Variants in COL28A1 observed in about 807,000 individuals in gnomAD.
COL28A1 encodes the protein collagen alpha-1(XXVIII) chain.
Under a neutral mutation model 150.2 loss-of-function variants are expected in COL28A1, and 161 were observed. That is an observed-to-expected ratio of 1.07 (90% CI 0.94 to 1.22). The LOEUF is 1.22. Among genes scored for constraint, COL28A1 ranks in the 50% most tolerant of loss-of-function variants. The probability of loss-of-function intolerance (pLI) is 0.00; values close to 1 mark genes in which losing one functional copy is unlikely to be tolerated. For synonymous variants in COL28A1, 552 were observed against 469.7 expected, an observed-to-expected ratio of 1.18 and a Z score of -2.26; for missense variants, 1,617 against 1,388.3, an observed-to-expected ratio of 1.16 and a Z score of -2.62.
At chr7:7,399,374 G>C (rs1265979918) in intron 27 of COL28A1, among the ~76,000 whole-genome samples, 1 of 152,108 alleles carries the variant, frequency 6.6e-6, no homozygotes, top group Non-Finnish European at 1.5e-5. Context: ...TAACAGGCTT[G>C]GATGCTCACA....
intron 9 of COL28A1, 60 bp downstream of exon 9, chr7:7,511,031 T>C: frequency 1.4e-6 from 2 of 1,397,402 alleles, no homozygotes; most frequent in Admixed American, 1.7e-5. Context: ...AATTTCCCCT[T>C]AAGGAAACGC....
chr7:7,415,453 T>C (rs1784018833), intron 27 of COL28A1, among the ~76,000 whole-genome samples: 1 of 152,198 alleles, frequency 6.6e-6, no homozygotes, highest in African/African-American at 2.4e-5. Flanking sequence ...GAAAATGAGA[T>C]GGAAGTCCTG....
intron 33 of COL28A1, among the ~76,000 whole-genome samples, chr7:7,364,367 C>T (rs553712804): frequency 1.3e-5 from 2 of 152,290 alleles, no homozygotes; most frequent in East Asian, 1.9e-4. Context: ...GGTAATGACT[C>T]GAGAGGAGTC....
At chr7:7,522,025 A>T (rs770176805) in intron 4 of COL28A1, 64 bp from the exon 5 acceptor site, 20 of 825,632 alleles carry the variant, frequency 2.4e-5, no homozygotes, top group Non-Finnish European at 3.7e-5. Flanking sequence ...CAGCATTTCA[A>T]ATTGTATTTC....
At position 7,436,415 on chromosome 7, in the gene COL28A1, G is replaced by T; in HGVS notation, c.1840C>A (p.Leu614Ile). ...CATACCTTTGGTCCTCGAATAGAAA[G>T]TCCAGGTTCTCCCTTAAATCCAGGT... ...GIPGFKGEPG[L>I]SIRGPKGVQG... The change falls in exon 23 of 35, where the codon CTT becomes ATT. Residue 614 changes from leucine (L) to isoleucine (I), a missense_variant. Coordinates refer to ENST00000399429, the MANE Select transcript of COL28A1 (RefSeq NM_001037763.3). 1.4e-6 allele frequency: 2 copies of T among 1,426,032 alleles called. No individual in the cohort carries two copies. Among genetic ancestry groups the T allele is most frequent in the Non-Finnish European group, 2.0e-6 (2 of 1,008,130 alleles). The allele number at this position is 1,426,032 out of a possible 1,614,324, so 88.3% of individuals were successfully genotyped here.
At position 7,373,335 on chromosome 7, in the gene COL28A1, G is replaced by A. The variant is rs764660621; in HGVS notation, c.2571C>T (p.Ser857=). The change falls in exon 32 of 35, where the codon AGC becomes AGT. Residue 857 remains serine, a synonymous_variant. Transcript: ENST00000399429. The surrounding 1 kb of genome is among the most constrained non-coding windows in gnomAD (Gnocchi z 4.1). The part of the protein sequence containing the change: ...EKVANLKQFS[S]KDDFKLAVDN... ...CCACAGCCAACTTGAAGTCATCCTT[G>A]CTGGAGAACTGCTTCAAATTAGCCA... is the stretch of plus-strand genomic sequence containing the variant. 6.2e-7 allele frequency: 1 copy of A among 1,614,152 alleles called. No individual in the cohort carries two copies. The highest frequency in any genetic ancestry group is 1.7e-5 in the Admixed American group (1 of 60,020).
Position 7,438,666 on chromosome 7 carries a change from T to C in COL28A1, c.1723-1204A>G, listed in dbSNP as rs115173234. 4.8e-3 allele frequency among the ~76,000 whole-genome samples: 696 copies of C among 145,146 alleles called. 3 individuals carry two copies. Among genetic ancestry groups the C allele is most frequent in the African/African-American group, 0.018 (669 of 36,670 alleles). On this transcript the variant is annotated intron_variant, in intron 21 of 34. Transcript: ENST00000399429. ...TTATCTCATCAATTAAAATTTCATT[T>C]ATATAAATTCATAACATATTAGTAT... is the stretch of plus-strand genomic sequence containing the variant.
chr7:7,440,855 C>A lies in COL28A1; in HGVS notation c.1657G>T (p.Glu553Ter). ...GKGQPGPKGDEGKKGSKGNQG... is the reference protein window; with the variant it reads ...GKGQPGPKGD The stretch of plus-strand genomic sequence containing the variant: ...TTTCCTTTGCTCCCTTTCTTGCCTT[C>A]GTCACCCTAACAAAATAATTATGAA... Residue 553 changes from glutamate (E) to a stop codon, truncating the protein, a stop_gained, in exon 21 of 35, where the codon GAA becomes TAA. Transcript: ENST00000399429. LOFTEE classifies it high-confidence loss of function. 6.7e-7 allele frequency: 1 copy of A among 1,497,046 alleles called. No individual in the cohort carries two copies. The highest frequency in any genetic ancestry group is 2.3e-5 in the East Asian group (1 of 44,322). The allele number at this position is 1,497,046 out of a possible 1,614,324, so 92.7% of individuals were successfully genotyped here. A position where few individuals can be genotyped will look rare whatever the true frequency, so the allele number is the denominator to read the frequency against.
Position 7,393,721 on chromosome 7 carries a change from T to C in COL28A1, c.2137-12109A>G, listed in dbSNP as rs370624390. 1.1e-4 allele frequency among the ~76,000 whole-genome samples: 16 copies of C among 152,288 alleles called. No homozygotes were observed. The East Asian group carries it at 2.7e-3, about 26-fold the overall frequency. The stretch of plus-strand genomic sequence containing the variant: ...CTGAGCTGTGGAGGATTCCACCCAA[T>C]TGGGACTTCCCCGCAACTTTCTTTA... On this transcript the variant is annotated intron_variant, in intron 27 of 34. Transcript: ENST00000399429.
chr7:7,516,481 C>A (rs1336536405), intron 7 of COL28A1, among the ~76,000 whole-genome samples: 2 of 152,180 alleles, frequency 1.3e-5, no homozygotes, highest in East Asian at 3.9e-4. Flanking sequence ...TCCTGTACAG[C>A]CTTTTCCATT....
At position 7,446,955 on chromosome 7, in the gene COL28A1, G is replaced by A. The variant is rs1251167296; in HGVS notation, c.1510-2466C>T. Among the ~76,000 whole-genome samples, 3 of 152,254 alleles carry A rather than the reference G, an allele frequency of 2.0e-5. No individual in the cohort carries two copies. The East Asian group carries it at 5.8e-4, about 29-fold the overall frequency. ...ATATTGCTCAGTACATGTGTGTGAA[G>A]AAACTACCCAAGGCCAGGAAAACAA... On this transcript the variant is annotated intron_variant, in intron 18 of 34. Transcript: ENST00000399429.
chr7:7,396,690 G>C (rs1407283772), intron 27 of COL28A1, among the ~76,000 whole-genome samples: 1 of 152,134 alleles, frequency 6.6e-6, no homozygotes, highest in African/African-American at 2.4e-5. Context: ...TGTAGGCCTG[G>C]CTCATTTGGT....
intron 34 of COL28A1, 53 bp downstream of exon 34, chr7:7,360,337 C>T (rs943842633): frequency 1.4e-6 from 2 of 1,455,548 alleles, no homozygotes; most frequent in Admixed American, 2.8e-5. Context: ...TGCACCAAAT[C>T]TGTGCACAAG....
intron 15 of COL28A1, among the ~76,000 whole-genome samples, chr7:7,458,652 G>C (rs918022909): frequency 6.6e-6 from 1 of 152,096 alleles, no homozygotes; most frequent in African/African-American, 2.4e-5. Context: ...TTCAGAACTT[G>C]ATTTCTTATG....
At chr7:7,520,620 C>T (rs1781669877) in intron 5 of COL28A1, among the ~76,000 whole-genome samples, 1 of 152,160 alleles carries the variant, frequency 6.6e-6, no homozygotes, top group African/African-American at 2.4e-5. Flanking sequence ...TCCAGAAAAG[C>T]ATTTTGTTTT....
the COL28A1 span, among the ~76,000 whole-genome samples, chr7:7,345,963 A>C: frequency 6.6e-6 from 1 of 152,022 alleles, no homozygotes; most frequent in African/African-American, 2.4e-5. Flanking sequence ...ATCATCCACA[A>C]GCTCCTTGAT....
At chr7:7,375,372 T>G (rs960306008) in intron 31 of COL28A1, 89 bp downstream of exon 31, 1 of 1,213,708 alleles carries the variant, frequency 8.2e-7, no homozygotes, top group East Asian at 2.7e-5. Context: ...CTATATAATA[T>G]ACATCTGGAC....
intron 27 of COL28A1, among the ~76,000 whole-genome samples, chr7:7,391,488 T>C (rs188526993): frequency 2.4e-4 from 36 of 152,322 alleles, no homozygotes; most frequent in East Asian, 1.3e-3. Flanking sequence ...AGATGTCTAT[T>C]AGGTCCAGCT....
At chr7:7,482,505 A>G (rs1779389741) in intron 13 of COL28A1, among the ~76,000 whole-genome samples, 1 of 151,236 alleles carries the variant, frequency 6.6e-6, no homozygotes, top group Non-Finnish European at 1.5e-5. Flanking sequence ...AGCCTGGGGG[A>G]CAAGAGTGAG....
Sources: allele counts gnomAD v4.1 joint callset (sites outside exome capture counted in the v4.1 genomes callset), GRCh38; gene constraint gnomAD v4.1.1; non-coding constraint Gnocchi (gnomAD v3.1); transcripts MANE v1.5; gene names NCBI Gene and HGNC (gene_info 2026-07-23, HGNC 2026-07-21).